C2orf92: variants seen among roughly 807,000 people sequenced by gnomAD.
C2orf92 encodes uncharacterized protein C2orf92.
At chr2:97,696,617 T>C (rs1006412507) in intron 5 of C2orf92, among the ~76,000 whole-genome samples, 2 of 152,048 alleles carry the variant, frequency 1.3e-5, no homozygotes, top group Non-Finnish European at 2.9e-5. Context: ...ATCCCTGTAA[T>C]CCCAGCTACT....
At chr2:97,676,771 TA>T (rs202207146) in intron 3 of C2orf92, among the ~76,000 whole-genome samples, 1 of 150,576 alleles carries the variant, frequency 6.6e-6, no homozygotes. Context: ...TACTGTCTAT[TA>T]AAAAAAAAGA....
At chr2:97,678,440 A>T (rs1185762271) in intron 3 of C2orf92, among the ~76,000 whole-genome samples, 1 of 152,110 alleles carries the variant, frequency 6.6e-6, no homozygotes, top group Admixed American at 6.6e-5. Context: ...GTTGAAAGAC[A>T]TGAATGTGCA....
intron 3 of C2orf92, among the ~76,000 whole-genome samples, chr2:97,683,297 C>T (rs573140093): frequency 6.6e-6 from 1 of 151,914 alleles, no homozygotes; most frequent in South Asian, 2.1e-4. Context: ...TAAACTTAGC[C>T]GAGAAAGTGA....
intron 3 of C2orf92, among the ~76,000 whole-genome samples, chr2:97,680,609 T>A (rs758326875): frequency 1.4e-4 from 21 of 152,216 alleles, no homozygotes; most frequent in Non-Finnish European, 2.2e-4. Flanking sequence ...GACTTCAGTA[T>A]CCTCCTCTCA....
intron 1 of C2orf92, chr2:97,664,481 T>A (rs1401168436): frequency 2.0e-5 from 3 of 152,202 alleles, no homozygotes; most frequent in Non-Finnish European, 2.9e-5. Context: ...AGGTAAGGTG[T>A]CTTGCTCTGT....
At chr2:97,663,996 G>T, upstream of C2orf92, 1 of 641,884 alleles carries the variant, frequency 1.6e-6, no homozygotes, top group Non-Finnish European at 2.2e-6. Flanking sequence ...CGGCGCCGCT[G>T]CCCTCCCTCC....
chr2:97,692,685 C>T (rs943657227), intron 5 of C2orf92, among the ~76,000 whole-genome samples: 1 of 152,244 alleles, frequency 6.6e-6, no homozygotes, highest in East Asian at 1.9e-4. Context: ...GCTGGGATTA[C>T]AGGCATGAGC....
intron 1 of C2orf92, among the ~76,000 whole-genome samples, chr2:97,673,433 G>A (rs896680038): frequency 6.6e-6 from 1 of 152,164 alleles, no homozygotes; most frequent in African/African-American, 2.4e-5. Flanking sequence ...CTGTTTCCAG[G>A]TGTCTTGCAT....
At chr2:97,664,007 C>A, upstream of C2orf92, 1 of 542,176 alleles carries the variant, frequency 1.8e-6, no homozygotes, top group East Asian at 4.8e-5. Context: ...CCCTCCCTCC[C>A]CGAGCCTGCA....
In C2orf92 at chr2:97,693,811, A is replaced by G. The variant is rs567935269; in HGVS notation, c.403+3484A>G. On this transcript the variant is annotated intron_variant, in intron 5 of 7. Coordinates refer to ENST00000627399, the MANE Select transcript of C2orf92 (RefSeq NM_001351368.2). Reference sequence around the variant, plus strand: ...GCAGCAGGTCTTTGTATAGATATGTAGACTGAGCCATGATTTATAACTTTT... The same window carrying G: ...GCAGCAGGTCTTTGTATAGATATGTGGACTGAGCCATGATTTATAACTTTT... Among the ~76,000 whole-genome samples the G allele has an allele frequency of 1.4e-4, 21 of 152,332 alleles. No individual in the cohort carries two copies. The South Asian group carries it at 1.7e-3, about 12-fold the overall frequency.
intron 3 of C2orf92, among the ~76,000 whole-genome samples, chr2:97,685,122 G>T (rs1053294800): frequency 7.9e-5 from 12 of 151,386 alleles, no homozygotes; most frequent in Non-Finnish European, 1.5e-4. Context: ...GTAGAGACAG[G>T]GTTTCACTGT....
At position 97,672,841 on chromosome 2, in the gene C2orf92, C is replaced by A. The variant is rs543591939; in HGVS notation, c.47-1615C>A. 3.2e-3 allele frequency among the ~76,000 whole-genome samples: 486 copies of A among 152,064 alleles called. 4 individuals are homozygous for A. The highest frequency in any genetic ancestry group is 0.011 in the African/African-American group (440 of 41,464). On this transcript the variant is annotated intron_variant, in intron 1 of 7. Transcript: ENST00000627399. ...TCTCTGTGGTGAGCTCCTGTTACAT[C>A]AAGCGAGTGGAAACCACCGAGGACC...
upstream of C2orf92, chr2:97,667,884 G>C (rs1460636670): frequency 6.6e-6 from 1 of 152,132 alleles, no homozygotes; most frequent in Non-Finnish European, 1.5e-5. Flanking sequence ...GAGGGAGAGA[G>C]AGTCCATTGG....
At chr2:97,684,553 A>C (rs1199917325) in intron 3 of C2orf92, among the ~76,000 whole-genome samples, 1 of 152,186 alleles carries the variant, frequency 6.6e-6, no homozygotes, top group Admixed American at 6.6e-5. Context: ...AATCTTCATG[A>C]CCTTGAATTA....
chr2:97,681,780 C>T (rs529189702), intron 3 of C2orf92, among the ~76,000 whole-genome samples: 190 of 152,134 alleles, frequency 1.2e-3, no homozygotes, highest in African/African-American at 4.5e-3. Context: ...ATGGCATGAA[C>T]CCAGGAGGCG....
At chr2:97,688,598 G>C (rs1676038303) in intron 3 of C2orf92, among the ~76,000 whole-genome samples, 2 of 152,168 alleles carry the variant, frequency 1.3e-5, no homozygotes, top group Admixed American at 1.3e-4. Flanking sequence ...GCATCAGAAT[G>C]ACAACAGAAA....
intron 3 of C2orf92, among the ~76,000 whole-genome samples, chr2:97,680,182 C>T (rs1573209718): frequency 6.6e-6 from 1 of 152,214 alleles, no homozygotes; most frequent in Non-Finnish European, 1.5e-5. Context: ...GCCTGTAATC[C>T]CAGCTATTTG....
upstream of C2orf92, chr2:97,665,773 ATTT>A (rs1675211914): frequency 2.0e-5 from 2 of 98,038 alleles, no homozygotes; most frequent in African/African-American, 4.3e-5. Context: ...ATATATATAT[ATTT>A]TGTTTTGTTT....
chr2:97,703,056 T>C lies in C2orf92; in HGVS notation c.*255T>C, dbSNP rs1352785408. The C allele has an allele frequency of 6.2e-6, 2 of 321,922 alleles. No individual in the cohort carries two copies. Among genetic ancestry groups the C allele is most frequent in the Non-Finnish European group, 1.1e-5 (2 of 178,818 alleles). The allele number at this position is 321,922 out of a possible 1,614,324, so 19.9% of individuals were successfully genotyped here. A position where few individuals can be genotyped will look rare whatever the true frequency, so the allele number is the denominator to read the frequency against. Reference sequence around the variant, plus strand: ...ATCATTTAATAAAGCATTGATTCATTTTTTCAGTCATTCATTGAACAGATA... The same window carrying C: ...ATCATTTAATAAAGCATTGATTCATCTTTTCAGTCATTCATTGAACAGATA... On this transcript the variant is annotated 3_prime_UTR_variant, in exon 8 of 8. Coordinates refer to ENST00000627399, the MANE Select transcript of C2orf92 (RefSeq NM_001351368.2).
Sources: gnomAD v4.1 joint callset for allele counts (sites outside exome capture counted in the v4.1 genomes callset) on GRCh38, gnomAD v4.1.1 for gene constraint, MANE v1.5 for transcripts, NCBI Gene and HGNC (gene_info 2026-07-23, HGNC 2026-07-21) for gene names.